GPRIN3: variants seen among roughly 807,000 people sequenced by gnomAD.
GPRIN3 encodes the protein GPRIN family member 3.
A neutral mutation model predicts 13.7 loss-of-function variants in GPRIN3; 12 were observed. The ratio of observed to expected loss-of-function variants is 0.87; its 90% CI spans 0.56 to 1.42. The LOEUF is 1.42. Ranked by LOEUF, GPRIN3 falls within the 40% of genes most tolerant of loss-of-function variation. GPRIN3 has a pLI of 0.00. For missense variants in GPRIN3, 1,009 were observed against 958.7 expected (o/e 1.05, Z -0.69); for synonymous variants, 377 against 372.7 (o/e 1.01, Z -0.13).
At chr4:89,291,830 CTTT>C (rs33981386) in intron 1 of GPRIN3, among the ~76,000 whole-genome samples, 4 of 115,854 alleles carry the variant, frequency 3.5e-5, no homozygotes, top group African/African-American at 9.3e-5. Flanking sequence ...ACTGTCAGGG[CTTT>C]TTTTTTTTTT....
At chr4:89,305,516 A>C (rs1725009931) in intron 1 of GPRIN3, among the ~76,000 whole-genome samples, 1 of 152,220 alleles carries the variant, frequency 6.6e-6, no homozygotes, top group Admixed American at 6.5e-5. Context: ...GAGTGCATAA[A>C]GGGCAGGAGC....
Position 89,248,606 on chromosome 4 carries a change from CCGTTTGT to C in GPRIN3, c.1498_1504del (p.Thr500AlafsTer44). On this transcript the variant is annotated frameshift_variant, in exon 2 of 2. Coordinates refer to ENST00000609438, the MANE Select transcript of GPRIN3 (RefSeq NM_198281.3). LOFTEE classifies it low-confidence loss of function (END_TRUNC). The stretch of plus-strand genomic sequence containing the variant: ...TTTGCAATCTGGGTCTGTTTTGTGG[CCGTTTGT>C]CGTTTTCTCTGCAAACTCAGATGGC... 1 of 1,613,992 alleles carries C rather than the reference CCGTTTGT, an allele frequency of 6.2e-7. No homozygotes were observed. Among genetic ancestry groups the C allele is most frequent in the Non-Finnish European group, 8.5e-7 (1 of 1,179,878 alleles).
chr4:89,303,793 ATG>A (rs1724963794), intron 1 of GPRIN3, among the ~76,000 whole-genome samples: 2 of 149,362 alleles, frequency 1.3e-5, no homozygotes, highest in Admixed American at 6.7e-5. Context: ...ATATGTATAT[ATG>A]TGTATATATA....
chr4:89,248,241 G>T lies in GPRIN3; in HGVS notation c.1870C>A (p.Pro624Thr). Residue 624 changes from proline to threonine, a missense_variant, in exon 2 of 2, where the codon CCA (proline) becomes ACA (threonine). Coordinates refer to ENST00000609438, the MANE Select transcript of GPRIN3 (RefSeq NM_198281.3). ...DSSPGSGKKT[P>T]SRSVKASPRR... is the part of the protein sequence containing the mutation. ...GGGCTGGCTTTGACGGAGCGAGATG[G>T]GGTCTTCTTGCCAGAACCTGGGCTG... 1 of 1,614,188 alleles carries T rather than the reference G, an allele frequency of 6.2e-7. No individual in the cohort carries two copies. Among genetic ancestry groups the T allele is most frequent in the Non-Finnish European group, 8.5e-7 (1 of 1,180,026 alleles).
intron 1 of GPRIN3, among the ~76,000 whole-genome samples, chr4:89,285,012 G>A (rs1218105465): frequency 2.0e-5 from 3 of 152,044 alleles, no homozygotes; most frequent in Non-Finnish European, 4.4e-5. Context: ...TGACACTGCT[G>A]GCTCCACTTG....
intron 1 of GPRIN3, among the ~76,000 whole-genome samples, chr4:89,267,267 A>G (rs1157614560): frequency 1.3e-5 from 2 of 152,200 alleles, no homozygotes; most frequent in Non-Finnish European, 2.9e-5. Flanking sequence ...CATGGTGCAA[A>G]ATTGAGAAGG....
chr4:89,258,376 C>T (rs1723538387), intron 1 of GPRIN3, among the ~76,000 whole-genome samples: 1 of 151,892 alleles, frequency 6.6e-6, no homozygotes, highest in Non-Finnish European at 1.5e-5. Context: ...ACCACAACAC[C>T]CAGCTAGTTT....
chr4:89,275,771 T>C (rs565153236), intron 1 of GPRIN3, among the ~76,000 whole-genome samples: 2 of 152,332 alleles, frequency 1.3e-5, no homozygotes, highest in African/African-American at 4.8e-5. Flanking sequence ...TTTGCCTCCT[T>C]GTCCACATCA....
intron 1 of GPRIN3, among the ~76,000 whole-genome samples, chr4:89,276,649 T>A (rs1300076518): frequency 6.6e-6 from 1 of 152,200 alleles, no homozygotes; most frequent in East Asian, 1.9e-4. Context: ...TGCAAACCAT[T>A]AAGAAATGAA....
At position 89,248,792 on chromosome 4, in the gene GPRIN3, A is replaced by G; in HGVS notation, c.1319T>C (p.Leu440Ser). 6.2e-7 allele frequency: 1 copy of G among 1,614,190 alleles called. No homozygotes were observed. The change falls in exon 2 of 2, where the codon TTA becomes TCA. Residue 440 changes from leucine (L) to serine (S), a missense_variant. Physicochemically the swap from Leu to Ser is moderately radical, Grantham distance 145. Transcript: ENST00000609438. ...AQHTCKEDGR[L>S]AGMTPVREES... ...TTCCCTCACTGGAGTCATTCCTGCT[A>G]ACCTCCCATCTTCTTTACACGTATG... is the stretch of plus-strand genomic sequence containing the variant.
chr4:89,273,151 T>A (rs977246829), intron 1 of GPRIN3, among the ~76,000 whole-genome samples: 2 of 152,228 alleles, frequency 1.3e-5, no homozygotes, highest in African/African-American at 4.8e-5. Context: ...ACCCCAGTTA[T>A]AGCTTTAATG....
At chr4:89,288,826 A>G (rs150969816) in intron 1 of GPRIN3, among the ~76,000 whole-genome samples, 79 of 152,308 alleles carry the variant, frequency 5.2e-4, no homozygotes, top group African/African-American at 1.3e-3. Context: ...AGTACGAATA[A>G]TAGCTCCTCC....
intron 1 of GPRIN3, among the ~76,000 whole-genome samples, chr4:89,268,017 G>A (rs1723829424): frequency 6.6e-6 from 1 of 152,142 alleles, no homozygotes; most frequent in Non-Finnish European, 1.5e-5. Flanking sequence ...ACGCAAAAGT[G>A]GCTATTACTG....
chr4:89,273,472 G>GAGTTCAAGACC (rs1227535542), intron 1 of GPRIN3, among the ~76,000 whole-genome samples: 1 of 152,150 alleles, frequency 6.6e-6, no homozygotes, highest in African/African-American at 2.4e-5. Flanking sequence ...ACGAGGTCAG[G>GAGTTCAAGACC]AGTTCAAGAC....
At position 89,248,385 on chromosome 4, in the gene GPRIN3, A is replaced by G; in HGVS notation, c.1726T>C (p.Ser576Pro). The G allele has an allele frequency of 6.2e-7, 1 of 1,614,090 alleles. No homozygotes were observed. Among genetic ancestry groups the G allele is most frequent in the South Asian group, 1.1e-5 (1 of 91,072 alleles). ...GGGGAGGGTGTAGGATTAGCAGCTG[A>G]TTCTGTGCCTCCACTTTCTTGGGAT... ...PKSQESGGTESAANPTPSPIR... is the reference protein window; with the variant it reads ...PKSQESGGTEPAANPTPSPIR... The change falls in exon 2 of 2, where the codon TCA becomes CCA. Residue 576 changes from serine (S) to proline (P), a missense_variant. Physicochemically the swap from Ser to Pro is moderately conservative, Grantham distance 74 (BLOSUM62 -1). Transcript: ENST00000609438.
intron 1 of GPRIN3, among the ~76,000 whole-genome samples, chr4:89,303,901 T>C (rs201586471): frequency 1.6e-5 from 1 of 62,684 alleles, no homozygotes; most frequent in East Asian, 6.3e-4. Flanking sequence ...AAGTAACTCA[T>C]GTAATATTTC....
Position 89,249,411 on chromosome 4 carries a change from A to T in GPRIN3, c.700T>A (p.Ser234Thr), listed in dbSNP as rs759398973. 2 of 1,613,964 alleles carry T rather than the reference A, an allele frequency of 1.2e-6. No individual in the cohort carries two copies. The highest frequency in any genetic ancestry group is 2.2e-5 in the East Asian group (1 of 44,850). The change falls in exon 2 of 2, where the codon TCC becomes ACC. Residue 234 changes from serine to threonine, a missense_variant. Ser to Thr is a moderately conservative substitution (Grantham distance 58). Transcript: ENST00000609438. ...QGAICDSEMRSCKPLTRESGC... is the reference protein window; with the variant it reads ...QGAICDSEMRTCKPLTRESGC... ...GATTCTCTAGTTAGAGGTTTACAGG[A>T]CCTCATTTCAGAGTCACAGATGGCT...
chr4:89,265,713 C>A (rs997201768), intron 1 of GPRIN3, among the ~76,000 whole-genome samples: 1 of 152,164 alleles, frequency 6.6e-6, no homozygotes, highest in Non-Finnish European at 1.5e-5. Context: ...AATTATTGGA[C>A]TTTTCTTCCT....
At chr4:89,253,817 T>C (rs17825868) in intron 1 of GPRIN3, among the ~76,000 whole-genome samples, 72,764 of 151,970 alleles carry the variant, frequency 0.48, 18,192 homozygotes, top group South Asian at 0.71. Context: ...AAATCAATAC[T>C]ACTCTCCAAT....
Sources: gnomAD v4.1 joint callset for allele counts (sites outside exome capture counted in the v4.1 genomes callset) on GRCh38, gnomAD v4.1.1 for gene constraint, MANE v1.5 for transcripts, NCBI Gene and HGNC (gene_info 2026-07-23, HGNC 2026-07-21) for gene names.